The following HYDIN variants were observed in gnomAD, a reference collection of about 807,000 sequenced individuals.
HYDIN encodes axonemal central pair apparatus protein HYDIN.
HYDIN carries 132 observed loss-of-function variants against 403.9 expected under a neutral mutation model. The observed-to-expected ratio is 0.33, with a 90% CI of 0.28 to 0.38. The LOEUF is 0.38. Among genes scored for constraint, HYDIN ranks in the 10% least tolerant of loss-of-function variants. The pLI is 1.00. For synonymous variants in HYDIN, 1,202 were observed against 1,891.7 expected (o/e 0.64, Z 9.46); for missense variants, 2,827 against 5,009.5 (o/e 0.56, Z 13.15).
chr16:71,042,458 GTC>G (rs368647573), intron 18 of HYDIN, among the ~76,000 whole-genome samples: 6 of 150,096 alleles, frequency 4.0e-5, no homozygotes, highest in Non-Finnish European at 8.9e-5. Flanking sequence ...CACTCTCCAT[GTC>G]TCTCTCTCTC....
Position 70,869,961 on chromosome 16 carries a change from C to T in HYDIN, c.11092-1173G>A, listed in dbSNP as rs535078311. On this transcript the variant is annotated intron_variant, in intron 65 of 85. Transcript: ENST00000393567. ...TGCTGATGATATGGACAATGAAATC[C>T]AGGCTGAGATGATTCCTGGAGATGA... Among the ~76,000 whole-genome samples the T allele has an allele frequency of 3.8e-3, 569 of 149,142 alleles. 2 individuals are homozygous for T. Among genetic ancestry groups the T allele is most frequent in the African/African-American group, 0.013 (530 of 41,156 alleles).
At chr16:70,990,958 T>C (rs2079332080) in intron 25 of HYDIN, among the ~76,000 whole-genome samples, 1 of 152,270 alleles carries the variant, frequency 6.6e-6, no homozygotes, top group South Asian at 2.1e-4. Flanking sequence ...TTCTAAAATG[T>C]TGTAACAAGC....
In HYDIN at chr16:71,152,875, A is replaced by G. The variant is rs891726187; in HGVS notation, c.717-92T>C. ...AGACAGGAGTTCTAGTTCTGCAGACAGCTCAGACCCAGCACTGCAATTTCA... is the reference window on the plus strand; with the variant it reads ...AGACAGGAGTTCTAGTTCTGCAGACGGCTCAGACCCAGCACTGCAATTTCA... On this transcript the variant is annotated intron_variant, in intron 6 of 85. Transcript: ENST00000393567. 4.0e-6 allele frequency: 4 copies of G among 988,758 alleles called. No individual in the cohort carries two copies. The Admixed American group carries it at 6.8e-5, about 17-fold the overall frequency. 61.2% of individuals were successfully genotyped at this position (988,758 alleles called of 1,614,324 possible).
At chr16:71,215,704 T>C (rs901341736) in intron 1 of HYDIN, among the ~76,000 whole-genome samples, 1 of 150,104 alleles carries the variant, frequency 6.7e-6, no homozygotes, top group African/African-American at 2.5e-5. Context: ...AGTCTCAAAA[T>C]GGGAAAAGGT....
At chr16:71,178,290 A>T (rs1473302221) in intron 4 of HYDIN, among the ~76,000 whole-genome samples, 11 of 151,824 alleles carry the variant, frequency 7.2e-5, no homozygotes, top group African/African-American at 2.7e-4. Flanking sequence ...GTGGTGGCGC[A>T]TGCCTGTAGT....
intron 75 of HYDIN, among the ~76,000 whole-genome samples, chr16:70,848,435 A>G (rs2038373270): frequency 6.6e-6 from 1 of 151,884 alleles, no homozygotes; most frequent in Non-Finnish European, 1.5e-5. Flanking sequence ...GGAGATTTAA[A>G]ATAATAAATG....
chr16:71,034,757 G>A (rs1363950916), intron 18 of HYDIN, among the ~76,000 whole-genome samples: 1 of 150,528 alleles, frequency 6.6e-6, no homozygotes, highest in Non-Finnish European at 1.5e-5. Flanking sequence ...GTATATAAAT[G>A]AGGATGCAGA....
intron 1 of HYDIN, among the ~76,000 whole-genome samples, chr16:71,210,796 C>T (rs912017615): frequency 6.6e-5 from 10 of 151,992 alleles, no homozygotes; most frequent in African/African-American, 2.4e-4. Context: ...ACCTTTGTTA[C>T]TTGGCCCTAC....
chr16:70,895,531 T>TG (rs2076176906), intron 54 of HYDIN, among the ~76,000 whole-genome samples: 1 of 151,538 alleles, frequency 6.6e-6, no homozygotes, highest in South Asian at 2.1e-4. Flanking sequence ...GGTATGGAAA[T>TG]GGATTCTCCC....
rs2795651 is a variant in HYDIN, at chr16:70,818,402, C to A, written c.14598G>T (p.Thr4866=). The change falls in exon 84 of 86, where the codon ACG becomes ACT. Residue 4866 remains threonine, a synonymous_variant. Coordinates refer to ENST00000393567, the MANE Select transcript of HYDIN (RefSeq NM_001270974.2). ...NPLPYSVTFS[T]ECRMPDIALP... ...GGGCGATGTCGGGCATCCGGCATTC[C>A]GTGGAGAAGGTCACCGAGTAGGGCA... is the stretch of plus-strand genomic sequence containing the variant. The A allele has an allele frequency of 2.5e-6, 4 of 1,613,702 alleles. No homozygotes were observed. Among genetic ancestry groups the A allele is most frequent in the South Asian group, 1.1e-5 (1 of 90,982 alleles).
chr16:70,930,899 A>C (rs1266881151), intron 45 of HYDIN, among the ~76,000 whole-genome samples: 1 of 152,224 alleles, frequency 6.6e-6, no homozygotes, highest in African/African-American at 2.4e-5. Flanking sequence ...TGTCATATGA[A>C]GAGTCAGGAA....
intron 72 of HYDIN, among the ~76,000 whole-genome samples, 183 bp from the exon 73 acceptor site, chr16:70,855,458 T>C (rs1392177512): frequency 6.6e-6 from 1 of 152,312 alleles, no homozygotes; most frequent in South Asian, 2.1e-4. Flanking sequence ...TTCCATGTCT[T>C]TCTTCATCAG....
chr16:70,922,785 CT>C (rs77860153), intron 45 of HYDIN, among the ~76,000 whole-genome samples: 44,795 of 110,052 alleles, frequency 0.41, 9,276 homozygotes, highest in Non-Finnish European at 0.53. Flanking sequence ...CTTTTATAAC[CT>C]TTTTTTTTTT....
chr16:71,202,115 T>C (rs568062648), intron 1 of HYDIN, among the ~76,000 whole-genome samples: 2 of 152,336 alleles, frequency 1.3e-5, no homozygotes, highest in African/African-American at 4.8e-5. Context: ...GAAAGACTGG[T>C]AGGATTTCAG....
intron 67 of HYDIN, among the ~76,000 whole-genome samples, chr16:70,864,922 T>C (rs1209474591): frequency 6.6e-6 from 1 of 152,122 alleles, no homozygotes; most frequent in Non-Finnish European, 1.5e-5. Flanking sequence ...AAACTTTATC[T>C]ACAAAAACAG....
intron 83 of HYDIN, among the ~76,000 whole-genome samples, chr16:70,821,732 G>GT (rs571776690): frequency 0.063 from 9,522 of 150,814 alleles, 357 homozygotes; most frequent in East Asian, 0.12. Context: ...TGGATCTATA[G>GT]TTTTTTTTTA....
rs752055137 is a variant in HYDIN, at chr16:70,872,032, T to C, written c.11091+5A>G. The C allele has an allele frequency of 3.7e-6, 6 of 1,607,080 alleles. No individual in the cohort carries two copies. Among genetic ancestry groups the C allele is most frequent in the Non-Finnish European group, 3.4e-6 (4 of 1,176,596 alleles). On this transcript the variant is annotated splice_donor_5th_base_variant and intron_variant, in intron 65 of 85. Transcript: ENST00000393567. ...TCCAAAAAATGATGAATGACTTTTA[T>C]TTACCTGTGGGGAGAAAGCAATTGT... is the stretch of plus-strand genomic sequence containing the variant.
At chr16:70,941,450 G>A (rs1393208288) in intron 43 of HYDIN, 186 bp downstream of exon 43, 2 of 411,056 alleles carry the variant, frequency 4.9e-6, no homozygotes, top group Non-Finnish European at 8.6e-6. Context: ...GAGGGAAGCA[G>A]GAATGCACCT....
In HYDIN at chr16:71,046,402, T is replaced by C. The variant is rs538128899; in HGVS notation, c.2529+14102A>G. ...TGAATGACTACATATGTAAGGCAACTGTGCATGGCACATGATCATGTCTGC... is the reference window on the plus strand; with the variant it reads ...TGAATGACTACATATGTAAGGCAACCGTGCATGGCACATGATCATGTCTGC... On this transcript the variant is annotated intron_variant, in intron 18 of 85. Transcript: ENST00000393567. 4.5e-4 allele frequency among the ~76,000 whole-genome samples: 68 copies of C among 152,260 alleles called. 1 individual carries two copies. The East Asian group carries it at 0.012, about 28-fold the overall frequency.
Sources: gnomAD v4.1 joint callset for allele counts (sites outside exome capture counted in the v4.1 genomes callset) on GRCh38, gnomAD v4.1.1 for gene constraint, MANE v1.5 for transcripts, NCBI Gene and HGNC (gene_info 2026-07-23, HGNC 2026-07-21) for gene names.